HCFC1: variants seen among roughly 807,000 people sequenced by gnomAD.
The protein encoded by HCFC1 is host cell factor 1.
HCFC1 carries 7 observed loss-of-function variants against 105.5 expected under a neutral mutation model. The observed-to-expected ratio is 0.07, with a 90% CI of 0.04 to 0.12. The LOEUF (loss-of-function observed/expected upper bound fraction) is 0.12, where lower values mean the gene tolerates loss of function less well. Ranked by LOEUF, HCFC1 falls within the 10% of genes least tolerant of loss-of-function variation. HCFC1 has a pLI of 1.00. For missense variants in HCFC1, 1,065 were observed against 1,823.6 expected (o/e 0.58, Z 7.58); for synonymous variants, 918 against 828.1 (o/e 1.11, Z -1.86).
rs1557115398 is a variant in HCFC1 at position 153,957,399 on chromosome X, G to T, written c.2268C>A (p.Val756=). The change falls in exon 13 of 26, where the codon GTC becomes GTA. Residue 756 remains valine (V), a synonymous_variant. Transcript: ENST00000310441. ...TKPTILGISS[V]SPSTTKPGTT... ...TGCCGGGCTTGGTGGTACTGGGGGA[G>T]ACGCTGCTGATGCCCAGGATGGTGG... 7 of 1,208,054 alleles carry T rather than the reference G, an allele frequency of 5.8e-6. No homozygotes were observed. In the South Asian group the frequency reaches 1.2e-4, roughly 21 times the overall value.
In HCFC1 at chrX:153,950,340, G is replaced by C; in HGVS notation, c.5907C>G (p.Ala1969=). 1 of 1,210,980 alleles carries C rather than the reference G, an allele frequency of 8.3e-7. No homozygotes were observed. ...CGGGCTTGGTGGTGTAGTCGATGTGGGCGTTGGAAAGGCTGGAGGACTGCA... is the reference window on the plus strand; with the variant it reads ...CGGGCTTGGTGGTGTAGTCGATGTGCGCGTTGGAAAGGCTGGAGGACTGCA... ...CLVQSSSLSN[A]HIDYTTKPAI... Residue 1969 remains alanine, a synonymous_variant, in exon 24 of 26, where the codon GCC becomes GCG. Transcript: ENST00000310441.
chrX:153,962,540 C>A (rs908603510), intron 4 of HCFC1, among the ~76,000 whole-genome samples: 1 of 112,562 alleles, frequency 8.9e-6, no homozygotes, highest in African/African-American at 3.2e-5. Flanking sequence ...ATCCTGAGCA[C>A]CTGCCCTGAG....
chrX:153,958,527 A>G, intron 10 of HCFC1, 42 bp downstream of exon 10: 1 of 1,104,264 alleles, frequency 9.1e-7, no homozygotes, highest in Admixed American at 2.4e-5. Context: ...GGGAATGACT[A>G]TGCTTGTTTG....
rs997841591 is a variant in HCFC1, at chrX:153,958,616, T to C, written c.1756A>G (p.Thr586Ala). Residue 586 changes from threonine to alanine, a missense_variant, in exon 10 of 26, where the codon ACT becomes GCT. By Grantham distance (58) the Thr-to-Ala change is moderately conservative. This residue lies in a region of HCFC1 where 137 missense variants were observed against 378.2 expected (regional missense o/e 0.36). Coordinates refer to ENST00000310441, the MANE Select transcript of HCFC1 (RefSeq NM_005334.3). ...TTCACAGTGGCTGGGAGGGTGGTAG[T>C]GCCAGGTGTCACAGCCATGGTCTTC... ...IVKTMAVTPGTTTLPATVKVA... is the reference protein window; with the variant it reads ...IVKTMAVTPGATTLPATVKVA... 1.9e-5 allele frequency: 23 copies of C among 1,207,571 alleles called. No homozygotes were observed. Among genetic ancestry groups the C allele is most frequent in the Non-Finnish European group, 2.5e-5 (22 of 893,409 alleles).
chrX:153,967,874 C>T (rs1557118776), intron 1 of HCFC1, among the ~76,000 whole-genome samples: 1 of 111,401 alleles, frequency 9.0e-6, no homozygotes, highest in Admixed American at 9.5e-5. Context: ...GCCTGCCCAA[C>T]GCAATGAACA....
chrX:153,961,751 C>G, intron 5 of HCFC1, 103 bp from the exon 6 acceptor site: 3 of 584,735 alleles, frequency 5.1e-6, no homozygotes, highest in African/African-American at 2.2e-5. Flanking sequence ...CTGGCTCTCC[C>G]CAGGAGAGTC....
chrX:153,956,121 G>A lies in HCFC1; in HGVS notation c.2856+70C>T, dbSNP rs1020294625. On this transcript the variant is annotated intron_variant, in intron 16 of 25. Transcript: ENST00000310441. ...AGGAAGGAAAGGCCTGTGGACGGAC[G>A]GCGTGAGCCTCACGTGCTTCCACTT... is the stretch of plus-strand genomic sequence containing the variant. 5 of 990,162 alleles carry A rather than the reference G, an allele frequency of 5.0e-6. No individual in the cohort carries two copies. In the East Asian group the frequency reaches 9.2e-5, roughly 18 times the overall value. 81.6% of individuals were successfully genotyped at this position (990,162 alleles called of 1,213,427 possible).
Position 153,960,357 on chromosome X carries a change from G to C in HCFC1, c.962C>G (p.Ala321Gly). 8.3e-7 allele frequency: 1 copy of C among 1,207,376 alleles called. No homozygotes were observed. Among genetic ancestry groups the C allele is most frequent in the Non-Finnish European group, 1.1e-6 (1 of 893,124 alleles). ...MDTLEDNIPR[A>G]RAGHCAVAIN... ...GGCGACTGCGCAGTGGCCAGCCCGAGCACGGGGGATGTTGTCCTCCAGTGT... is the reference window on the plus strand; with the variant it reads ...GGCGACTGCGCAGTGGCCAGCCCGACCACGGGGGATGTTGTCCTCCAGTGT... Residue 321 changes from alanine (A) to glycine (G), a missense_variant, in exon 7 of 26, where the codon GCT becomes GGT. By Grantham distance (60) the Ala-to-Gly change is moderately conservative. Transcript: ENST00000310441.
chrX:153,947,765 C>T lies in HCFC1; in HGVS notation c.*1582G>A, dbSNP rs1173921337. On this transcript the variant is annotated 3_prime_UTR_variant, in exon 26 of 26. Transcript: ENST00000310441. ...TGACTAAACGTGACATTTTCCACAGCGAAATATACTATAATACAACAAACC... is the reference window on the plus strand; with the variant it reads ...TGACTAAACGTGACATTTTCCACAGTGAAATATACTATAATACAACAAACC... 1.8e-5 allele frequency: 2 copies of T among 110,829 alleles called. No homozygotes were observed. Among genetic ancestry groups the T allele is most frequent in the Non-Finnish European group, 1.9e-5 (1 of 52,873 alleles). The allele number at this position is 110,829 out of a possible 1,213,427, so 9.1% of individuals were successfully genotyped here.
In HCFC1 at chrX:153,971,183, C is replaced by G. The variant is rs1300619315; in HGVS notation, c.-343G>C. On this transcript the variant is annotated 5_prime_UTR_variant, in exon 1 of 26. Coordinates refer to ENST00000310441, the MANE Select transcript of HCFC1 (RefSeq NM_005334.3). ...CCTGGGAGCCGCCATCTTGAGCCGC[C>G]TCTCTCTCCTCCCTTCCTCAGTCGT... 1 of 332,564 alleles carries G rather than the reference C, an allele frequency of 3.0e-6. No individual in the cohort carries two copies. The highest frequency in any genetic ancestry group is 5.1e-6 in the Non-Finnish European group (1 of 195,096). The allele number at this position is 332,564 out of a possible 1,213,427, so 27.4% of individuals were successfully genotyped here. A position where few individuals can be genotyped will look rare whatever the true frequency, so the allele number is the denominator to read the frequency against.
intron 1 of HCFC1, chrX:153,969,763 T>G (rs782387764): frequency 8.8e-6 from 1 of 113,233 alleles, no homozygotes; most frequent in South Asian, 3.6e-4. Context: ...CCTTCCCAAC[T>G]AACGGGCTTT....
chrX:153,954,143 T>G lies in HCFC1; in HGVS notation c.4256A>C (p.Asn1419Thr), dbSNP rs1557113512. Reference sequence around the variant, plus strand: ...CGTCTCGTGGGTCTCACAGGGGGGGTTGGAGCACACCCTCTGTGTTGGGAA... The same window carrying G: ...CGTCTCGTGGGTCTCACAGGGGGGGGTGGAGCACACCCTCTGTGTTGGGAA... ...APFPTQRVCS[N>T]PPCETHETGT... Residue 1419 changes from asparagine (N) to threonine (T), a missense_variant, in exon 17 of 26, where the codon AAC (asparagine) becomes ACC (threonine). Coordinates refer to ENST00000310441, the MANE Select transcript of HCFC1 (RefSeq NM_005334.3). 1 of 1,205,546 alleles carries G rather than the reference T, an allele frequency of 8.3e-7. No homozygotes were observed. The highest frequency in any genetic ancestry group is 2.2e-5 in the Admixed American group (1 of 45,496).
chrX:153,949,475 A>C (rs1367146862), intron 25 of HCFC1, 78 bp downstream of exon 25: 2 of 1,144,885 alleles, frequency 1.7e-6, no homozygotes, highest in African/African-American at 3.6e-5. Flanking sequence ...AGGGGCCCCC[A>C]GTCATTTGAC....
In HCFC1 at chrX:153,954,799, C is replaced by A; in HGVS notation, c.3600G>T (p.Glu1200Asp). The A allele has an allele frequency of 8.6e-7, 1 of 1,164,484 alleles. No homozygotes were observed. Residue 1200 changes from glutamate (E) to aspartate (D), a missense_variant, in exon 17 of 26, where the codon GAG (glutamate) becomes GAT (aspartate). Transcript: ENST00000310441. ...CAAAAGCAGGGCTGCGGCCCCCGGG[C>A]TCCCGTGCCATGCTCGGCCCAAGGA... is the stretch of plus-strand genomic sequence containing the variant. ...GPLLGPSMAR[E>D]PGGRSPAFVQ... is the part of the protein sequence containing the mutation.
intron 18 of HCFC1, 103 bp downstream of exon 18, chrX:153,953,504 C>A (rs782239754): frequency 1.2e-6 from 1 of 835,661 alleles, no homozygotes; most frequent in East Asian, 3.2e-5. Flanking sequence ...GGACCAGGAG[C>A]GGCCCCATGC....
intron 15 of HCFC1, 38 bp downstream of exon 15, chrX:153,956,587 T>C: frequency 8.3e-7 from 1 of 1,206,545 alleles, no homozygotes; most frequent in Non-Finnish European, 1.1e-6. Flanking sequence ...TTCGTTATAA[T>C]CTAGGGGTGG....
At chrX:153,951,733 GA>G (rs1569546643) in intron 20 of HCFC1, 26 bp from the exon 21 acceptor site, 1 of 1,186,238 alleles carries the variant, frequency 8.4e-7, no homozygotes, top group African/African-American at 1.8e-5. Context: ...GTGTCAGCGG[GA>G]AAGACTCGGG....
At position 153,962,126 on chromosome X, in the gene HCFC1, G is replaced by A. The variant is rs1318531324; in HGVS notation, c.797+96C>T. ...CCCAGCCAGAAAGAGGCATCCTCAG[G>A]CCTTAGGGTCTGACAGGACAAAACT... On this transcript the variant is annotated intron_variant, in intron 5 of 25. Coordinates refer to ENST00000310441, the MANE Select transcript of HCFC1 (RefSeq NM_005334.3). 3 of 632,255 alleles carry A rather than the reference G, an allele frequency of 4.7e-6. No individual in the cohort carries two copies. The Admixed American group carries it at 8.5e-5, about 18-fold the overall frequency. The allele number at this position is 632,255 out of a possible 1,213,427, so 52.1% of individuals were successfully genotyped here.
chrX:153,961,119 C>T (rs1557116757), intron 6 of HCFC1, among the ~76,000 whole-genome samples: 1 of 112,820 alleles, frequency 8.9e-6, no homozygotes, highest in Non-Finnish European at 1.9e-5. Context: ...GAGTGATCTC[C>T]AAGATACGGC....
Sources: allele counts gnomAD v4.1 joint callset (sites outside exome capture counted in the v4.1 genomes callset), GRCh38; gene constraint gnomAD v4.1.1; regional missense constraint gnomAD v4.1.1; transcripts MANE v1.5; gene names NCBI Gene and HGNC (gene_info 2026-07-23, HGNC 2026-07-21).